ST3GAL3: variants seen among roughly 807,000 people sequenced by gnomAD.
The protein encoded by ST3GAL3 is CMP-N-acetylneuraminate-beta-1,4-galactoside alpha-2,3-sialyltransferase.
ST3GAL3 carries 21 observed loss-of-function variants against 50.1 expected under a neutral mutation model. The ratio of observed to expected loss-of-function variants is 0.42; its 90% CI spans 0.30 to 0.60. The LOEUF (loss-of-function observed/expected upper bound fraction) is 0.60, where lower values mean the gene tolerates loss of function less well. Among genes scored for constraint, ST3GAL3 ranks in the 20% least tolerant of loss-of-function variants. The pLI is 0.19. For missense variants in ST3GAL3, 353 were observed against 489.4 expected (o/e 0.72, Z 2.63); for synonymous variants, 183 against 190.0 (o/e 0.96, Z 0.30).
At chr1:43,850,022 A>T (rs1213552639) in intron 5 of ST3GAL3, among the ~76,000 whole-genome samples, 6 of 152,232 alleles carry the variant, frequency 3.9e-5, no homozygotes, top group African/African-American at 1.4e-4. Flanking sequence ...AAGTGGCTAC[A>T]CAGTATTTTT....
chr1:43,810,005 AAAAAG>A (rs1238652407), intron 3 of ST3GAL3, among the ~76,000 whole-genome samples: 21 of 151,432 alleles, frequency 1.4e-4, no homozygotes, highest in Non-Finnish European at 1.3e-4. Context: ...AAAAAAAAAA[AAAAAG>A]AAAGAAAGAA....
rs1224749958 is a variant in ST3GAL3 at position 43,899,506 on chromosome 1, C to T, written c.558-35C>T. On this transcript the variant is annotated intron_variant, in intron 8 of 11. Coordinates refer to ENST00000347631, the MANE Select transcript of ST3GAL3 (RefSeq NM_006279.5). This position sits in a 1 kb window ranked among gnomAD's most constrained non-coding sequence, Gnocchi z 5.4. The stretch of plus-strand genomic sequence containing the variant: ...TGGGGTCATGGTGCCTTCCCAAACA[C>T]AGGCCCAGGCTCTGAGTGGGCCTGC... The T allele has an allele frequency of 1.2e-6, 2 of 1,609,126 alleles. No homozygotes were observed. Among genetic ancestry groups the T allele is most frequent in the Non-Finnish European group, 1.7e-6 (2 of 1,179,914 alleles).
At chr1:43,916,090 G>T (rs1266084942) in intron 9 of ST3GAL3, among the ~76,000 whole-genome samples, 2 of 152,246 alleles carry the variant, frequency 1.3e-5, no homozygotes, top group Admixed American at 6.5e-5. Context: ...CTGGACTCCA[G>T]CCTGGAGTGG....
intron 5 of ST3GAL3, among the ~76,000 whole-genome samples, chr1:43,887,373 TG>T (rs1482711592): frequency 2.6e-5 from 4 of 152,078 alleles, no homozygotes; most frequent in Non-Finnish European, 4.4e-5. Context: ...ATTGAGGAGA[TG>T]GATGGGATCT....
chr1:43,897,770 T>A (rs946977240), intron 6 of ST3GAL3, among the ~76,000 whole-genome samples: 2 of 152,116 alleles, frequency 1.3e-5, no homozygotes, highest in African/African-American at 4.8e-5. Flanking sequence ...CGTGGTGAGC[T>A]CTTCAGTTGC....
chr1:43,930,077 G>C, intron 11 of ST3GAL3, 55 bp from the exon 12 acceptor site: 1 of 1,496,530 alleles, frequency 6.7e-7, no homozygotes, highest in South Asian at 1.1e-5. Context: ...AGCCCTGGAA[G>C]GGGCAGTAAA....
intron 1 of ST3GAL3, among the ~76,000 whole-genome samples, chr1:43,727,049 C>A (rs546786980): frequency 4.9e-4 from 75 of 152,294 alleles, no homozygotes; most frequent in African/African-American, 1.8e-3. Flanking sequence ...TGAGAGCTTT[C>A]TCCCCCTTTA....
intron 4 of ST3GAL3, among the ~76,000 whole-genome samples, chr1:43,819,796 C>A (rs1207513691): frequency 2.0e-5 from 3 of 152,132 alleles, no homozygotes; most frequent in East Asian, 1.9e-4. Context: ...CTAGTAGTAC[C>A]CAGTATCTGT....
intron 1 of ST3GAL3, among the ~76,000 whole-genome samples, chr1:43,728,399 C>T (rs1673995134): frequency 6.6e-6 from 1 of 151,916 alleles, no homozygotes; most frequent in African/African-American, 2.4e-5. Flanking sequence ...ATGCTTCATG[C>T]TGTTGAGATA....
chr1:43,850,970 T>C, intron 5 of ST3GAL3: 1 of 945,782 alleles, frequency 1.1e-6, no homozygotes, highest in Non-Finnish European at 1.7e-6. Flanking sequence ...CTTGGCAGCC[T>C]CTCAGGTTCT....
chr1:43,780,421 G>A (rs951459215), intron 2 of ST3GAL3, among the ~76,000 whole-genome samples: 2 of 151,952 alleles, frequency 1.3e-5, no homozygotes, highest in Non-Finnish European at 2.9e-5. Flanking sequence ...ACACTCAGAG[G>A]GCCCTTTTAA....
chr1:43,761,950 CAAAAAAAAAAAAAAA>C (rs67747915), intron 2 of ST3GAL3, among the ~76,000 whole-genome samples: 1 of 68,880 alleles, frequency 1.5e-5, no homozygotes, highest in African/African-American at 9.7e-5. Flanking sequence ...CACTCTGTCT[CAAAAAAAAAAAAAAA>C]AAAAAAAAAA....
intron 11 of ST3GAL3, among the ~76,000 whole-genome samples, chr1:43,928,295 A>G (rs1379722053): frequency 1.3e-5 from 2 of 152,148 alleles, no homozygotes; most frequent in African/African-American, 4.8e-5. Context: ...CAGCACCACT[A>G]AATAGTGGCT....
chr1:43,915,104 A>G (rs943775203), intron 9 of ST3GAL3, among the ~76,000 whole-genome samples: 10 of 152,236 alleles, frequency 6.6e-5, no homozygotes, highest in Non-Finnish European at 1.2e-4. Context: ...GAGGACAGAC[A>G]GTTTGCCAGA....
At chr1:43,725,143 A>G (rs938883691) in intron 1 of ST3GAL3, among the ~76,000 whole-genome samples, 8 of 152,168 alleles carry the variant, frequency 5.3e-5, no homozygotes, top group African/African-American at 1.9e-4. Flanking sequence ...GCTGTGCTCC[A>G]TCTGCATTCT....
chr1:43,810,060 A>C (rs548342917), intron 3 of ST3GAL3, among the ~76,000 whole-genome samples: 1 of 152,108 alleles, frequency 6.6e-6, no homozygotes, highest in Non-Finnish European at 1.5e-5. Flanking sequence ...ACTGGGGAAA[A>C]AAAATGAACA....
intron 5 of ST3GAL3, among the ~76,000 whole-genome samples, chr1:43,858,498 T>C (rs2069071033): frequency 6.6e-6 from 1 of 152,202 alleles, no homozygotes; most frequent in Non-Finnish European, 1.5e-5. Context: ...GCAGCTTTGC[T>C]TTTTTTGGTT....
chr1:43,756,163 C>T (rs1688028478), intron 2 of ST3GAL3, among the ~76,000 whole-genome samples: 1 of 143,420 alleles, frequency 7.0e-6, no homozygotes, highest in South Asian at 2.2e-4. Flanking sequence ...AAGGAACAAA[C>T]TTGATACATA....
chr1:43,927,695 A>G (rs2084253513), intron 11 of ST3GAL3, among the ~76,000 whole-genome samples: 1 of 152,216 alleles, frequency 6.6e-6, no homozygotes, highest in Non-Finnish European at 1.5e-5. Flanking sequence ...CCTACCCTCA[A>G]AGAGAGACAG....
Sources: gnomAD v4.1 joint callset for allele counts (sites outside exome capture counted in the v4.1 genomes callset) on GRCh38, gnomAD v4.1.1 for gene constraint, Gnocchi (gnomAD v3.1) non-coding constraint, MANE v1.5 for transcripts, NCBI Gene and HGNC (gene_info 2026-07-23, HGNC 2026-07-21) for gene names.